Variants in CD101 observed in about 807,000 individuals in gnomAD.
CD101 encodes immunoglobulin superfamily member 2.
CD101 carries 76 observed loss-of-function variants against 98.2 expected under a neutral mutation model. The ratio of observed to expected loss-of-function variants is 0.77; its 90% confidence interval spans 0.64 to 0.94. The LOEUF is 0.94. Among genes scored for constraint, CD101 ranks in the 40% least tolerant of loss-of-function variants. The pLI is 0.00. For missense variants in CD101, 1,145 were observed against 1,218.8 expected (o/e 0.94, Z 0.90); for synonymous variants, 471 against 472.7 (o/e 1.00, Z 0.05).
rs777035062 is a variant in CD101 at position 117,011,770 on chromosome 1, G to A, written c.645G>A (p.Glu215=). 5.6e-6 allele frequency: 9 copies of A among 1,614,004 alleles called. No homozygotes were observed. The African/African-American group carries it at 1.1e-4, about 19-fold the overall frequency. ...TGGTCCCTGGGCCCTTGTATACAGA[G>A]CGGTTTGCAGCCAGTGACGTACAGC... ...FILVPGPLYT[E]RFAASDVQLN... is the part of the protein sequence containing the mutation. Residue 215 remains glutamate, a synonymous_variant, in exon 3 of 10, where the codon GAG becomes GAA. Transcript: ENST00000682167.
chr1:117,026,232 G>A, intron 8 of CD101: 1 of 231,580 alleles, frequency 4.3e-6, no homozygotes, highest in Non-Finnish European at 8.4e-6. Context: ...GAGAAGTAGG[G>A]GTGTGGTCTT....
chr1:117,026,473 C>A (rs1467803961), intron 8 of CD101: 1 of 152,298 alleles, frequency 6.6e-6, no homozygotes, highest in Non-Finnish European at 1.5e-5. Context: ...TTTCCCTGTT[C>A]ATTCCTCAGC....
chr1:117,029,236 A>AGAAAG (rs1654254750), intron 8 of CD101, among the ~76,000 whole-genome samples: 1 of 138,422 alleles, frequency 7.2e-6, no homozygotes, highest in Non-Finnish European at 1.5e-5. Flanking sequence ...AAAGAAAGAA[A>AGAAAG]GAAAGAAAGA....
In CD101 at chr1:117,022,464, T is replaced by C. The variant is rs1653644373; in HGVS notation, c.2428+481T>C. ...AAGGCAAATAAGAGTAGTTAACTGT[T>C]GGAATGGCTTACTGAGGGAGTCTCC... On this transcript the variant is annotated intron_variant, in intron 7 of 9. Coordinates refer to ENST00000682167, the MANE Select transcript of CD101 (RefSeq NM_001256106.3). The surrounding 1 kb of genome is among the most constrained non-coding windows in gnomAD (Gnocchi z 4.8). 6.6e-6 allele frequency among the ~76,000 whole-genome samples: 1 copy of C among 152,204 alleles called. No individual in the cohort carries two copies. The highest frequency in any genetic ancestry group is 2.4e-5 in the African/African-American group (1 of 41,452).
intron 7 of CD101, among the ~76,000 whole-genome samples, chr1:117,024,489 AAATAAAAAT>A (rs1263051867): frequency 9.1e-5 from 4 of 43,944 alleles, no homozygotes; most frequent in East Asian, 6.5e-4. Context: ...AAAATAAATA[AAATAAAAAT>A]AAATAAATAA....
rs139140235 is a variant in CD101, at chr1:117,035,848, G to A, written c.*34-320G>A. Among the ~76,000 whole-genome samples, 584 of 152,210 alleles carry A rather than the reference G, an allele frequency of 3.8e-3. 7 individuals are homozygous for A. Among genetic ancestry groups the A allele is most frequent in the African/African-American group, 0.013 (546 of 41,516 alleles). On this transcript the variant is annotated intron_variant, in intron 9 of 9. Coordinates refer to ENST00000682167, the MANE Select transcript of CD101 (RefSeq NM_001256106.3). ...ATTACAGGCGTGAGCCACCACGCCC[G>A]GCAGAAGACTCTTAGAAAGTGTGAT...
Position 117,004,286 on chromosome 1 carries a change from C to T in CD101, c.43+2426C>T, listed in dbSNP as rs755386778. ...TTTTGAATGTGAAAAGAGAAAGAAG[C>T]TGCTTGTTATGTTGGCTATTCCTGA... is the stretch of plus-strand genomic sequence containing the variant. On this transcript the variant is annotated intron_variant, in intron 1 of 9. Coordinates refer to ENST00000682167, the MANE Select transcript of CD101 (RefSeq NM_001256106.3). The surrounding 1 kb of genome is among the most constrained non-coding windows in gnomAD (Gnocchi z 4.1). Among the ~76,000 whole-genome samples the T allele has an allele frequency of 1.3e-5, 2 of 152,122 alleles. No homozygotes were observed. The highest frequency in any genetic ancestry group is 2.9e-5 in the Non-Finnish European group (2 of 68,022).
rs1653879878 is a variant in CD101 at position 117,025,777 on chromosome 1, G to A, written c.2697G>A (p.Val899=). The change falls in exon 8 of 10, where the codon GTG becomes GTA. Residue 899 remains valine, a synonymous_variant. Transcript: ENST00000682167. ...ACTTTGTCCTGAAGCTTCATCAGGT[G>A]GAGATGGAGGATGCAGGAATGTACT... ...STDFVLKLHQ[V]EMEDAGMYWC... is the part of the protein sequence containing the mutation. 6.2e-7 allele frequency: 1 copy of A among 1,614,110 alleles called. No homozygotes were observed. Among genetic ancestry groups the A allele is most frequent in the Admixed American group, 1.7e-5 (1 of 60,004 alleles).
At chr1:117,031,935 C>T (rs1654488922) in intron 8 of CD101, among the ~76,000 whole-genome samples, 1 of 152,164 alleles carries the variant, frequency 6.6e-6, no homozygotes, top group Admixed American at 6.5e-5. Flanking sequence ...GACTCCATGG[C>T]TCCATTCACT....
chr1:117,014,633 G>C (rs1653100962), intron 4 of CD101, among the ~76,000 whole-genome samples: 1 of 152,106 alleles, frequency 6.6e-6, no homozygotes, highest in Admixed American at 6.6e-5. Flanking sequence ...GATTCACTAG[G>C]CTGGGTTTAA....
intron 4 of CD101, 144 bp downstream of exon 4, chr1:117,013,936 A>G: frequency 1.0e-6 from 1 of 992,170 alleles, no homozygotes; most frequent in Non-Finnish European, 1.5e-6. Context: ...GGAGTGGAGT[A>G]AAGGAAGGCA....
At position 117,018,550 on chromosome 1, in the gene CD101, C is replaced by T. The variant is rs1009079688; in HGVS notation, c.2007C>T (p.Val669=). Residue 669 remains valine (V), a synonymous_variant, in exon 6 of 10, where the codon GTC becomes GTT. Transcript: ENST00000682167. The surrounding 1 kb of genome is among the most constrained non-coding windows in gnomAD (Gnocchi z 4.3). ...TCTCTCACCCACTGAGGATAGCCGT[C>T]ACTTTACCAGGTAAGTGTGACTTGA... ...SAISHPLRIA[V]TLPESKLKVN... is the part of the protein sequence containing the mutation. 6.3e-7 allele frequency: 1 copy of T among 1,588,476 alleles called. No individual in the cohort carries two copies.
At chr1:117,029,814 A>G (rs150430459) in intron 8 of CD101, among the ~76,000 whole-genome samples, 13 of 152,302 alleles carry the variant, frequency 8.5e-5, no homozygotes, top group Admixed American at 5.2e-4. Context: ...AGGACTGTAG[A>G]GCATGTGGCT....
At chr1:117,026,044 G>C in intron 8 of CD101, 140 bp downstream of exon 8, 2 of 884,478 alleles carry the variant, frequency 2.3e-6, no homozygotes, top group Non-Finnish European at 3.3e-6. Flanking sequence ...CCCTAAAGAA[G>C]ATGACTTTGC....
chr1:117,010,317 A>T lies in CD101; in HGVS notation c.424+87A>T. The T allele has an allele frequency of 7.1e-7, 1 of 1,412,716 alleles. No individual in the cohort carries two copies. Among genetic ancestry groups the T allele is most frequent in the Non-Finnish European group, 9.6e-7 (1 of 1,043,612 alleles). 87.5% of individuals were successfully genotyped at this position (1,412,716 alleles called of 1,614,324 possible). On this transcript the variant is annotated intron_variant, in intron 2 of 9. Coordinates refer to ENST00000682167, the MANE Select transcript of CD101 (RefSeq NM_001256106.3). The surrounding 1 kb of genome is among the most constrained non-coding windows in gnomAD (Gnocchi z 5.2). ...ATATCTTGCAATATGACATGGCTTT[A>T]TATTGTTCCATTTTCTTTGGGAAAA...
chr1:117,001,842 T>C lies in CD101; in HGVS notation c.25T>C (p.Ser9Pro). Residue 9 changes from serine (S) to proline (P), a missense_variant, in exon 1 of 10, where the codon TCT (serine) becomes CCT (proline). Transcript: ENST00000682167. ...AATGGCAGGCATCTCATATGTGGCATCTTTCTTTCTCCTTCTGAGTAAGTT... is the reference window on the plus strand; with the variant it reads ...AATGGCAGGCATCTCATATGTGGCACCTTTCTTTCTCCTTCTGAGTAAGTT... MAGISYVA[S>P]FFLLLTKLSI... 1 of 1,614,126 alleles carries C rather than the reference T, an allele frequency of 6.2e-7. No homozygotes were observed. Among genetic ancestry groups the C allele is most frequent in the Non-Finnish European group, 8.5e-7 (1 of 1,179,980 alleles).
intron 4 of CD101, among the ~76,000 whole-genome samples, chr1:117,014,228 T>TGTGA (rs35135251): frequency 0.022 from 3,099 of 140,796 alleles, 67 homozygotes; most frequent in Middle Eastern, 0.068. Flanking sequence ...TGTGTGTGTG[T>TGTGA]GATATGAATA....
rs559581540 is a variant in CD101 at position 117,036,381 on chromosome 1, C to G, written c.*247C>G. ...CTGGCAGGACGACTCACTGCGGCTGCGCCACTGGGACCCCTCCCCTACATG... is the reference window on the plus strand; with the variant it reads ...CTGGCAGGACGACTCACTGCGGCTGGGCCACTGGGACCCCTCCCCTACATG... On this transcript the variant is annotated 3_prime_UTR_variant, in exon 10 of 10. Transcript: ENST00000682167. The surrounding 1 kb of genome is among the most constrained non-coding windows in gnomAD (Gnocchi z 5.0). The G allele has an allele frequency of 6.6e-6, 1 of 152,292 alleles. No homozygotes were observed. The highest frequency in any genetic ancestry group is 1.5e-5 in the Non-Finnish European group (1 of 68,164). 9.4% of individuals were successfully genotyped at this position (152,292 alleles called of 1,614,324 possible).
chr1:117,017,809 G>C (rs752314656), intron 5 of CD101, among the ~76,000 whole-genome samples: 12 of 152,174 alleles, frequency 7.9e-5, no homozygotes, highest in Non-Finnish European at 1.3e-4. Context: ...TGTGCAAAAG[G>C]GTTCTGATAC....
Sources: allele counts gnomAD v4.1 joint callset (sites outside exome capture counted in the v4.1 genomes callset), GRCh38; gene constraint gnomAD v4.1.1; non-coding constraint Gnocchi (gnomAD v3.1); transcripts MANE v1.5; gene names NCBI Gene and HGNC (gene_info 2026-07-23, HGNC 2026-07-21).